PAPSS2: variants seen among roughly 807,000 people sequenced by gnomAD.
PAPSS2 encodes 3'-phosphoadenosine 5'-phosphosulfate synthase 2, also known as bifunctional 3'-phosphoadenosine 5'-phosphosulfate synthase 2.
A neutral mutation model predicts 66.5 loss-of-function variants in PAPSS2; 61 were observed. The observed-to-expected ratio is 0.92, with a 90% CI of 0.75 to 1.14. The LOEUF is 1.14. PAPSS2 is among the 50% of genes most tolerant of loss of function. The pLI is 0.00. For synonymous variants in PAPSS2, 289 were observed against 287.5 expected, an observed-to-expected ratio of 1.01 and a Z score of -0.05; for missense variants, 708 against 789.6, an observed-to-expected ratio of 0.90 and a Z score of 1.24.
chr10:87,711,174 C>A (rs1266152606), intron 2 of PAPSS2, among the ~76,000 whole-genome samples: 1 of 152,334 alleles, frequency 6.6e-6, no homozygotes, highest in East Asian at 1.9e-4. Flanking sequence ...AGCTGTGTGA[C>A]TTTGGACAAG....
chr10:87,665,608 C>T (rs185331701), intron 1 of PAPSS2, among the ~76,000 whole-genome samples: 1 of 152,222 alleles, frequency 6.6e-6, no homozygotes, highest in Non-Finnish European at 1.5e-5. Flanking sequence ...AGGGACCACC[C>T]TCCCCTTTTA....
intron 1 of PAPSS2, among the ~76,000 whole-genome samples, chr10:87,704,903 A>G (rs1403233509): frequency 1.3e-5 from 2 of 152,140 alleles, no homozygotes; most frequent in African/African-American, 4.8e-5. Flanking sequence ...CAGCTTCTCA[A>G]AGTGCTGGGA....
intron 1 of PAPSS2, among the ~76,000 whole-genome samples, chr10:87,683,663 T>C (rs566890253): frequency 6.6e-6 from 1 of 152,008 alleles, no homozygotes; most frequent in East Asian, 1.9e-4. Flanking sequence ...ATAGCTCTTT[T>C]ATGTTTCTTC....
intron 12 of PAPSS2, 89 bp from the exon 13 acceptor site, chr10:87,745,743 T>C (rs1853929196): frequency 7.6e-7 from 1 of 1,318,602 alleles, no homozygotes. Flanking sequence ...AGAAAGAACA[T>C]GGGTCTCAAA....
chr10:87,710,628 A>G (rs1371808340), intron 2 of PAPSS2, among the ~76,000 whole-genome samples: 23 of 152,218 alleles, frequency 1.5e-4, no homozygotes, highest in Non-Finnish European at 1.8e-4. Flanking sequence ...AAACATATCT[A>G]AAGGGTATAC....
chr10:87,720,173 G>A (rs973255977), intron 7 of PAPSS2, among the ~76,000 whole-genome samples: 1 of 152,140 alleles, frequency 6.6e-6, no homozygotes, highest in African/African-American at 2.4e-5. Flanking sequence ...GCCATGAGCC[G>A]CTGCACGCAG....
intron 1 of PAPSS2, among the ~76,000 whole-genome samples, chr10:87,701,300 TTTCCTTCCTTCCTTCCTTCC>T (rs1174780842): frequency 1.0e-3 from 104 of 102,902 alleles, no homozygotes; most frequent in Middle Eastern, 5.1e-3. Flanking sequence ...TTCTTTCTTT[TTTCCTTCCTTCCTTCCTTCC>T]TTCCTTCCTT....
At chr10:87,724,425 T>G (rs1442088401) in intron 8 of PAPSS2, among the ~76,000 whole-genome samples, 1 of 151,806 alleles carries the variant, frequency 6.6e-6, no homozygotes, top group Non-Finnish European at 1.5e-5. Context: ...GCTCCCACAC[T>G]AAAGAACCCC....
chr10:87,747,370 G>C lies in PAPSS2; in HGVS notation c.*1400G>C, dbSNP rs1026652316. 1.3e-5 allele frequency: 2 copies of C among 152,096 alleles called. No homozygotes were observed. The highest frequency in any genetic ancestry group is 4.8e-5 in the African/African-American group (2 of 41,410). 9.4% of individuals were successfully genotyped at this position (152,096 alleles called of 1,614,324 possible). On this transcript the variant is annotated 3_prime_UTR_variant, in exon 13 of 13. Transcript: ENST00000456849. ...AGACCTAAATTAGAAAGAGAAAACT[G>C]TGACAATTTTCATATTCTCATTCTT... is the stretch of plus-strand genomic sequence containing the variant.
intron 9 of PAPSS2, among the ~76,000 whole-genome samples, chr10:87,728,465 C>T (rs992105982): frequency 1.1e-4 from 16 of 152,146 alleles, no homozygotes; most frequent in Non-Finnish European, 2.2e-4. Flanking sequence ...CCAGGCTGGG[C>T]GCGGTGGCTC....
chr10:87,667,838 G>A (rs1359619521), intron 1 of PAPSS2, among the ~76,000 whole-genome samples: 1 of 152,162 alleles, frequency 6.6e-6, no homozygotes, highest in Non-Finnish European at 1.5e-5. Flanking sequence ...CATTCATAGT[G>A]ATAATTTCTC....
At chr10:87,724,862 A>G (rs1450483325) in intron 8 of PAPSS2, among the ~76,000 whole-genome samples, 2 of 151,212 alleles carry the variant, frequency 1.3e-5, no homozygotes, top group African/African-American at 4.9e-5. Flanking sequence ...ACACACACAC[A>G]CACACACACA....
At chr10:87,717,190 C>T (rs1447509907) in intron 7 of PAPSS2, among the ~76,000 whole-genome samples, 2 of 152,120 alleles carry the variant, frequency 1.3e-5, no homozygotes, top group Non-Finnish European at 2.9e-5. Context: ...TGCTGAACAC[C>T]GACTGCCTGA....
intron 8 of PAPSS2, among the ~76,000 whole-genome samples, chr10:87,723,848 G>A (rs1176274540): frequency 1.3e-5 from 2 of 152,130 alleles, no homozygotes; most frequent in Non-Finnish European, 2.9e-5. Context: ...TCTAAATGTT[G>A]CATTGAAAAG....
In PAPSS2 at chr10:87,701,662, C is replaced by T. The variant is rs76374218; in HGVS notation, c.28-7534C>T. On this transcript the variant is annotated intron_variant, in intron 1 of 12. Coordinates refer to ENST00000456849, the MANE Select transcript of PAPSS2 (RefSeq NM_001015880.2). Reference sequence around the variant, plus strand: ...CTGGTTCCTATCTCCTGGACTCAAGCGATTCTCTCACCTTGACCTCTTAAA... The same window carrying T: ...CTGGTTCCTATCTCCTGGACTCAAGTGATTCTCTCACCTTGACCTCTTAAA... Among the ~76,000 whole-genome samples, 713 of 152,040 alleles carry T rather than the reference C, an allele frequency of 4.7e-3. 7 individuals carry two copies. Among genetic ancestry groups the T allele is most frequent in the African/African-American group, 0.016 (674 of 41,458 alleles).
At chr10:87,669,801 A>G (rs760775377) in intron 1 of PAPSS2, among the ~76,000 whole-genome samples, 3 of 152,268 alleles carry the variant, frequency 2.0e-5, no homozygotes, top group Non-Finnish European at 2.9e-5. Flanking sequence ...GGGTCTTTAA[A>G]GAGTTACCCA....
intron 1 of PAPSS2, among the ~76,000 whole-genome samples, chr10:87,689,245 C>T (rs1033164540): frequency 6.0e-5 from 9 of 150,662 alleles, no homozygotes; most frequent in African/African-American, 2.0e-4. Context: ...GAGGCTGAGG[C>T]AGGAGAATTG....
At chr10:87,682,757 T>A (rs971920757) in intron 1 of PAPSS2, among the ~76,000 whole-genome samples, 2 of 152,124 alleles carry the variant, frequency 1.3e-5, no homozygotes, top group Non-Finnish European at 2.9e-5. Flanking sequence ...TTTTATCCCT[T>A]CCTACATAGA....
chr10:87,704,572 C>T (rs753811479), intron 1 of PAPSS2, among the ~76,000 whole-genome samples: 3 of 140,878 alleles, frequency 2.1e-5, no homozygotes, highest in Admixed American at 7.1e-5. Flanking sequence ...TCCATAAATG[C>T]AGCAGCATTG....
Sources: gnomAD v4.1 joint callset for allele counts (sites outside exome capture counted in the v4.1 genomes callset) on GRCh38, gnomAD v4.1.1 for gene constraint, MANE v1.5 for transcripts, NCBI Gene and HGNC (gene_info 2026-07-23, HGNC 2026-07-21) for gene names.